ZNF140: variants seen among roughly 807,000 people sequenced by gnomAD.
The protein encoded by ZNF140 is zinc finger protein 140 (clone pHZ-39).
ZNF140 carries 13 observed loss-of-function variants against 12.9 expected under a neutral mutation model. The observed-to-expected ratio is 1.01, with a 90% CI of 0.66 to 1.60. ZNF140 has a LOEUF of 1.60. Among genes scored for constraint, ZNF140 ranks in the 40% most tolerant of loss-of-function variants. ZNF140 has a pLI of 0.00. For synonymous variants in ZNF140, 214 were observed against 186.7 expected (o/e 1.15, Z -1.19); for missense variants, 531 against 548.8 (o/e 0.97, Z 0.32).
intron 4 of ZNF140, among the ~76,000 whole-genome samples, chr12:133,084,383 T>G (rs1233873719): frequency 6.6e-6 from 1 of 152,262 alleles, no homozygotes; most frequent in African/African-American, 2.4e-5. Context: ...TGTCAAATCT[T>G]TCTCAAGACT....
intron 4 of ZNF140, chr12:133,101,149 G>A (rs1340432535): frequency 4.0e-6 from 1 of 251,316 alleles, no homozygotes; most frequent in African/African-American, 2.3e-5. Context: ...TGTGAGGGGC[G>A]AGAGGGCACT....
In ZNF140 at chr12:133,091,890, A is replaced by T. The variant is rs919862378; in HGVS notation, c.232+8329A>T. ...GACGGCGTTTAACCATGTCCCAGTGATGTTCAGATTCATTATAGGCTCGAG... is the reference window on the plus strand; with the variant it reads ...GACGGCGTTTAACCATGTCCCAGTGTTGTTCAGATTCATTATAGGCTCGAG... On this transcript the variant is annotated intron_variant, in intron 4 of 4. Coordinates refer to ENST00000355557, the MANE Select transcript of ZNF140 (RefSeq NM_003440.4). 1.1e-4 allele frequency among the ~76,000 whole-genome samples: 17 copies of T among 151,064 alleles called. 1 individual carries two copies. Among genetic ancestry groups the T allele is most frequent in the Admixed American group, 2.0e-4 (3 of 15,166 alleles).
chr12:133,105,783 C>G lies in ZNF140; in HGVS notation c.506C>G (p.Thr169Ser). ...TATGGATGCCATGAATGTGGAAAAA[C>G]TTTTGGTCGACGCTTTTCCCTGGTG... ...RPYGCHECGK[T>S]FGRRFSLVLH... Residue 169 changes from threonine to serine, a missense_variant, in exon 5 of 5, where the codon ACT becomes AGT. Thr to Ser is a moderately conservative substitution (Grantham distance 58). Transcript: ENST00000355557. 1 of 1,614,134 alleles carries G rather than the reference C, an allele frequency of 6.2e-7. No homozygotes were observed. Among genetic ancestry groups the G allele is most frequent in the Non-Finnish European group, 8.5e-7 (1 of 1,180,020 alleles).
intron 4 of ZNF140, among the ~76,000 whole-genome samples, chr12:133,090,608 G>A (rs370631834): frequency 6.6e-6 from 1 of 151,430 alleles, no homozygotes; most frequent in African/African-American, 2.4e-5. Context: ...AGAAAAGAAA[G>A]AAGACACAGA....
chr12:133,106,850 T>G lies in ZNF140; in HGVS notation c.*199T>G. The G allele has an allele frequency of 2.3e-6, 1 of 442,622 alleles. No homozygotes were observed. Among genetic ancestry groups the G allele is most frequent in the Non-Finnish European group, 3.9e-6 (1 of 254,404 alleles). The allele number at this position is 442,622 out of a possible 1,614,324, so 27.4% of individuals were successfully genotyped here. On this transcript the variant is annotated 3_prime_UTR_variant, in exon 5 of 5. Coordinates refer to ENST00000355557, the MANE Select transcript of ZNF140 (RefSeq NM_003440.4). ...AAAGCCATTAATAACCACTCTTTTATTTTTTTGCAATAACAAGGTGAAATC... is the reference window on the plus strand; with the variant it reads ...AAAGCCATTAATAACCACTCTTTTAGTTTTTTGCAATAACAAGGTGAAATC...
At chr12:133,091,984 A>G (rs996723428) in intron 4 of ZNF140, among the ~76,000 whole-genome samples, 1 of 151,180 alleles carries the variant, frequency 6.6e-6, no homozygotes, top group Admixed American at 6.6e-5. Context: ...TCATGAGCCT[A>G]TCTCCCATCC....
Position 133,081,666 on chromosome 12 carries a change from G to C in ZNF140, c.9+337G>C, listed in dbSNP as rs1467393066. 32 of 434,058 alleles carry C rather than the reference G, an allele frequency of 7.4e-5. 1 individual carries two copies. The highest frequency in any genetic ancestry group is 1.3e-4 in the Non-Finnish European group (28 of 215,738). The allele number at this position is 434,058 out of a possible 1,614,324, so 26.9% of individuals were successfully genotyped here. A position where few individuals can be genotyped will look rare whatever the true frequency, so the allele number is the denominator to read the frequency against. On this transcript the variant is annotated intron_variant, in intron 2 of 4. Transcript: ENST00000355557. ...GAGTGACAGGAAGCTATCCAGATGT[G>C]GGCGGGGTTTCTGACCTGGCTGGCA... is the stretch of plus-strand genomic sequence containing the variant.
intron 4 of ZNF140, 140 bp downstream of exon 4, chr12:133,083,701 G>A (rs911778422): frequency 3.0e-5 from 23 of 758,252 alleles, no homozygotes; most frequent in Admixed American, 5.8e-5. Flanking sequence ...GGCTCATGCC[G>A]GTAATCCCAG....
At position 133,106,258 on chromosome 12, in the gene ZNF140, C is replaced by A. The variant is rs1292381914; in HGVS notation, c.981C>A (p.Thr327=). 1.9e-6 allele frequency: 3 copies of A among 1,614,028 alleles called. No individual in the cohort carries two copies. Among genetic ancestry groups the A allele is most frequent in the Non-Finnish European group, 2.5e-6 (3 of 1,180,026 alleles). Residue 327 remains threonine, a synonymous_variant, in exon 5 of 5, where the codon ACC becomes ACA. Transcript: ENST00000355557. ...ATCAGAGCATCCATACAACCAAAAC[C>A]CCGTATGAATGTAATGAATGTAGGA... The part of the protein sequence containing the change: ...TRHQSIHTTK[T]PYECNECRKA...
At chr12:133,101,518 T>C (rs987560016) in intron 4 of ZNF140, among the ~76,000 whole-genome samples, 9 of 152,100 alleles carry the variant, frequency 5.9e-5, no homozygotes, top group African/African-American at 9.7e-5. Context: ...GATCTCAGCT[T>C]ACTGCAAGCT....
chr12:133,099,569 T>G (rs1955262026), intron 4 of ZNF140, among the ~76,000 whole-genome samples: 1 of 152,140 alleles, frequency 6.6e-6, no homozygotes, highest in Non-Finnish European at 1.5e-5. Flanking sequence ...ACACTTGGAA[T>G]CTCAGTACTT....
At chr12:133,080,711 C>G (rs1447429236), upstream of ZNF140, 1 of 152,424 alleles carries the variant, frequency 6.6e-6, no homozygotes, top group Non-Finnish European at 1.5e-5. Context: ...GTCGCAGGCC[C>G]TCGTTCTTTG....
At chr12:133,090,168 C>G (rs1156842609) in intron 4 of ZNF140, among the ~76,000 whole-genome samples, 6 of 152,084 alleles carry the variant, frequency 3.9e-5, no homozygotes, top group African/African-American at 1.2e-4. Flanking sequence ...GAGACAGGAT[C>G]TTGCTCTGTC....
At chr12:133,100,131 CT>C (rs1417661007) in intron 4 of ZNF140, among the ~76,000 whole-genome samples, 6 of 119,366 alleles carry the variant, frequency 5.0e-5, no homozygotes, top group African/African-American at 1.9e-4. Flanking sequence ...CTGTTCATGT[CT>C]TCCATCCAAA....
chr12:133,081,348 A>AATATATATATATATATATATATATAT lies in ZNF140; in HGVS notation c.9+42_9+43insTATATATATATATATATATATATATA, dbSNP rs368640870. On this transcript the variant is annotated intron_variant, in intron 2 of 4. Coordinates refer to ENST00000355557, the MANE Select transcript of ZNF140 (RefSeq NM_003440.4). ...GTCTCAGGTAAGCTAATGATTGATA[A>AATATATATATATATATATATATATAT]ATATATATATATATATATATATAAA... is the stretch of plus-strand genomic sequence containing the variant. The AATATATATATATATATATATATATAT allele has an allele frequency of 3.8e-4, 122 of 318,756 alleles. 8 individuals are homozygous for AATATATATATATATATATATATATAT. Among genetic ancestry groups the AATATATATATATATATATATATATAT allele is most frequent in the African/African-American group, 9.8e-4 (32 of 32,544 alleles). 19.7% of individuals were successfully genotyped at this position (318,756 alleles called of 1,614,324 possible).
chr12:133,089,536 A>G (rs1344266408), intron 4 of ZNF140, among the ~76,000 whole-genome samples: 2 of 152,216 alleles, frequency 1.3e-5, no homozygotes, highest in African/African-American at 2.4e-5. Flanking sequence ...TTTGCTAGAT[A>G]CAGGCCTATT....
In ZNF140 at chr12:133,083,207, C is replaced by T. The variant is rs1202709063; in HGVS notation, c.114C>T (p.Asn38=). 3.1e-6 allele frequency: 5 copies of T among 1,613,566 alleles called. No individual in the cohort carries two copies. Among genetic ancestry groups the T allele is most frequent in the African/African-American group, 1.3e-5 (1 of 74,908 alleles). ...TGTACAGATGTGTAATGTTGGAGAA[C>T]TATGGCCATCTGGTCTCACTGGGTA... The part of the protein sequence containing the change: ...RDLYRCVMLE[N]YGHLVSLGLS... The change falls in exon 3 of 5, where the codon AAC becomes AAT. Residue 38 remains asparagine, a synonymous_variant. Coordinates refer to ENST00000355557, the MANE Select transcript of ZNF140 (RefSeq NM_003440.4).
chr12:133,081,361 A>ATATG, intron 2 of ZNF140, 32 bp downstream of exon 2: 1 of 269,018 alleles, frequency 3.7e-6, no homozygotes, highest in Non-Finnish European at 6.2e-6. Context: ...ATATATATAT[A>ATATG]TATATATATA....
At chr12:133,104,519 T>C (rs916454026) in intron 4 of ZNF140, among the ~76,000 whole-genome samples, 2 of 152,048 alleles carry the variant, frequency 1.3e-5, no homozygotes, top group African/African-American at 2.4e-5. Flanking sequence ...GCCTGGCTAA[T>C]TTTTTGTATT....
Sources: gnomAD v4.1 joint callset for allele counts (sites outside exome capture counted in the v4.1 genomes callset) on GRCh38, gnomAD v4.1.1 for gene constraint, MANE v1.5 for transcripts, NCBI Gene and HGNC (gene_info 2026-07-23, HGNC 2026-07-21) for gene names.